The following CCDC7 variants were observed in gnomAD, a reference collection of about 807,000 sequenced individuals.
The protein encoded by CCDC7 is coiled-coil domain containing 7.
A neutral mutation model predicts 196.9 loss-of-function variants in CCDC7; 183 were observed. The observed-to-expected ratio is 0.93, with a 90% confidence interval of 0.82 to 1.05. The LOEUF (loss-of-function observed/expected upper bound fraction) is 1.05. CCDC7 is among the 50% of genes least tolerant of loss of function. The pLI is 0.00. For missense variants in CCDC7, 1,540 were observed against 1,482.2 expected, an observed-to-expected ratio of 1.04 and a Z score of -0.64; for synonymous variants, 525 against 484.6, an observed-to-expected ratio of 1.08 and a Z score of -1.10.
intron 23 of CCDC7, among the ~76,000 whole-genome samples, chr10:32,694,297 T>C (rs1404469771): frequency 1.3e-5 from 2 of 152,224 alleles, no homozygotes; most frequent in Non-Finnish European, 2.9e-5. Context: ...TGTTTACTAT[T>C]AGAAGTGTTT....
chr10:32,666,133 T>C lies in CCDC7; in HGVS notation c.2122+1972T>C, dbSNP rs113305213. ...AGTATTCTTTTTCTTTTTTTTTTTT[T>C]TTTCATTGACAAAGAAGTTTCACCG... On this transcript the variant is annotated intron_variant, in intron 21 of 41. Coordinates refer to ENST00000639629, the Ensembl canonical transcript of CCDC7. Among the ~76,000 whole-genome samples, 1,098 of 151,134 alleles carry C rather than the reference T, an allele frequency of 7.3e-3. 11 individuals carry two copies. The highest frequency in any genetic ancestry group is 0.026 in the African/African-American group (1,056 of 41,338).
At chr10:32,821,811 T>C (rs1240849105) in intron 31 of CCDC7, among the ~76,000 whole-genome samples, 1 of 150,208 alleles carries the variant, frequency 6.7e-6, no homozygotes, top group Non-Finnish European at 1.5e-5. Flanking sequence ...GGGCCTGTTG[T>C]GGGGTGGGGG....
intron 41 of CCDC7, among the ~76,000 whole-genome samples, chr10:32,856,980 C>T (rs1424410423): frequency 6.6e-6 from 1 of 152,116 alleles, no homozygotes; most frequent in Non-Finnish European, 1.5e-5. Context: ...GCCCCAGACC[C>T]CAGCTCCACA....
chr10:32,712,108 A>T (rs2080936652), intron 25 of CCDC7, among the ~76,000 whole-genome samples: 1 of 152,114 alleles, frequency 6.6e-6, no homozygotes, highest in South Asian at 2.1e-4. Context: ...ACAAATGGAA[A>T]TCAGAGAGGT....
chr10:32,523,558 A>AAC (rs1241992448), intron 11 of CCDC7, among the ~76,000 whole-genome samples: 6 of 152,026 alleles, frequency 3.9e-5, no homozygotes, highest in African/African-American at 1.5e-4. Context: ...CCAAAAAAAA[A>AAC]AAAAACCGTA....
chr10:32,635,998 G>T (rs1394123710), intron 20 of CCDC7, among the ~76,000 whole-genome samples: 1 of 151,292 alleles, frequency 6.6e-6, no homozygotes. Context: ...TTTTTTCCTT[G>T]GACAAATGAT....
chr10:32,669,702 ATC>A (rs989794332), intron 21 of CCDC7, among the ~76,000 whole-genome samples: 1 of 151,898 alleles, frequency 6.6e-6, no homozygotes, highest in Non-Finnish European at 1.5e-5. Flanking sequence ...GATCTTTTGT[ATC>A]TCTGTGTCAT....
chr10:32,779,939 C>T (rs1043812615), intron 29 of CCDC7, among the ~76,000 whole-genome samples: 8 of 152,200 alleles, frequency 5.3e-5, no homozygotes, highest in South Asian at 4.1e-4. Flanking sequence ...CTAGTAGGCC[C>T]GCCCTGTTAA....
chr10:32,725,019 C>G (rs189876409), intron 25 of CCDC7, among the ~76,000 whole-genome samples: 1 of 152,010 alleles, frequency 6.6e-6, no homozygotes, highest in South Asian at 2.1e-4. Context: ...TTAGAATACA[C>G]GTATATATTT....
chr10:32,595,837 G>A (rs187041534), intron 18 of CCDC7, among the ~76,000 whole-genome samples: 11 of 152,170 alleles, frequency 7.2e-5, no homozygotes, highest in South Asian at 2.1e-4. Flanking sequence ...TTCAGTTTCC[G>A]TGTAGTTGAG....
chr10:32,778,802 T>A (rs2134261048), intron 28 of CCDC7, among the ~76,000 whole-genome samples, 175 bp from the exon 30 acceptor site: 1 of 152,330 alleles, frequency 6.6e-6, no homozygotes, highest in Non-Finnish European at 1.5e-5. Flanking sequence ...ATTCTCTCAA[T>A]CCGTTAGCAT....
At chr10:32,714,248 G>C (rs150662083) in intron 25 of CCDC7, among the ~76,000 whole-genome samples, 1 of 152,186 alleles carries the variant, frequency 6.6e-6, no homozygotes, top group Non-Finnish European at 1.5e-5. Flanking sequence ...AGCTCAAGGA[G>C]GGCGAGCAGA....
chr10:32,773,093 G>A (rs2079424031), intron 28 of CCDC7, among the ~76,000 whole-genome samples: 1 of 152,076 alleles, frequency 6.6e-6, no homozygotes, highest in South Asian at 2.1e-4. Flanking sequence ...CTTTTCTCTT[G>A]CTACTTTTAA....
intron 21 of CCDC7, among the ~76,000 whole-genome samples, chr10:32,670,336 A>T (rs1174588596): frequency 6.6e-6 from 1 of 152,056 alleles, no homozygotes; most frequent in South Asian, 2.1e-4. Flanking sequence ...ATAGAAAACC[A>T]TTCTAAGTTG....
At chr10:32,641,148 A>G (rs117557786) in intron 20 of CCDC7, among the ~76,000 whole-genome samples, 13,039 of 152,096 alleles carry the variant, frequency 0.086, 878 homozygotes, top group South Asian at 0.25. Flanking sequence ...GCTGTTCTCA[A>G]AGCACATCTT....
chr10:32,695,319 A>C (rs1194441092), intron 24 of CCDC7, among the ~76,000 whole-genome samples: 2 of 152,244 alleles, frequency 1.3e-5, no homozygotes, highest in African/African-American at 4.8e-5. Context: ...GACATGTGGC[A>C]GTATCCTTCT....
intron 28 of CCDC7, among the ~76,000 whole-genome samples, chr10:32,775,640 G>A (rs1231929306): frequency 2.0e-5 from 3 of 151,962 alleles, no homozygotes; most frequent in Admixed American, 6.6e-5. Flanking sequence ...TCATATTTTC[G>A]AAGGAAATAT....
rs2079500742 is a variant in CCDC7, at chr10:32,773,532, C to A, written c.2906-5445C>A. ...TCTCTTTGGTCTTAAAAAATTGTTT[C>A]TATTTCTTGGTTAAATTTCTAATTT... On this transcript the variant is annotated intron_variant, in intron 28 of 41. Coordinates refer to ENST00000639629, the Ensembl canonical transcript of CCDC7. Among the ~76,000 whole-genome samples the A allele has an allele frequency of 2.6e-5, 4 of 151,778 alleles. No homozygotes were observed. In the South Asian group the frequency reaches 8.3e-4, roughly 32 times the overall value.
intron 23 of CCDC7, among the ~76,000 whole-genome samples, chr10:32,692,973 C>T (rs115327268): frequency 3.0e-4 from 46 of 152,230 alleles, no homozygotes; most frequent in African/African-American, 1.1e-3. Context: ...GCTATTTGCT[C>T]CCTATTCTAA....
Sources: gnomAD v4.1 joint callset for allele counts (sites outside exome capture counted in the v4.1 genomes callset) on GRCh38, gnomAD v4.1.1 for gene constraint, MANE v1.5 for transcripts, NCBI Gene and HGNC (gene_info 2026-07-23, HGNC 2026-07-21) for gene names.